OPCML: variants seen among roughly 807,000 people sequenced by gnomAD.
OPCML encodes the protein opioid-binding protein/cell adhesion molecule.
Under a neutral mutation model 37.8 loss-of-function variants are expected in OPCML, and 13 were observed. The ratio of observed to expected loss-of-function variants is 0.34; its 90% CI spans 0.22 to 0.55. The LOEUF (loss-of-function observed/expected upper bound fraction) is 0.55. Ranked by LOEUF, OPCML falls within the 20% of genes least tolerant of loss-of-function variation. The probability of loss-of-function intolerance (pLI) is 0.91; values close to 1 mark genes in which losing one functional copy is unlikely to be tolerated. For missense variants in OPCML, 341 were observed against 435.6 expected (o/e 0.78, Z 1.93); for synonymous variants, 176 against 168.8 (o/e 1.04, Z -0.33).
At chr11:132,639,917 C>T (rs1245272630) in intron 3 of OPCML, among the ~76,000 whole-genome samples, 1 of 152,204 alleles carries the variant, frequency 6.6e-6, no homozygotes, top group African/African-American at 2.4e-5. Context: ...CATTTACTCA[C>T]TAGAGGCAGA....
intron 2 of OPCML, among the ~76,000 whole-genome samples, chr11:132,748,699 G>A (rs2136061937): frequency 6.6e-6 from 1 of 152,218 alleles, no homozygotes; most frequent in South Asian, 2.1e-4. Context: ...AGACGGAAAG[G>A]CATTGGAGGA....
chr11:132,716,412 GTCTATCTATCTA>G (rs61519269), intron 2 of OPCML, among the ~76,000 whole-genome samples: 3,316 of 103,994 alleles, frequency 0.032, 47 homozygotes, highest in African/African-American at 0.058. Flanking sequence ...CTATCTGTCT[GTCTATCTATCTA>G]TCTATCTATC....
At chr11:132,602,042 G>A (rs1027558296) in intron 3 of OPCML, among the ~76,000 whole-genome samples, 5 of 152,070 alleles carry the variant, frequency 3.3e-5, no homozygotes, top group African/African-American at 7.2e-5. Flanking sequence ...ACTCACAACC[G>A]TTATGAGAGA....
chr11:132,464,951 G>A (rs2096115021), intron 4 of OPCML, among the ~76,000 whole-genome samples: 1 of 152,094 alleles, frequency 6.6e-6, no homozygotes, highest in African/African-American at 2.4e-5. Flanking sequence ...CAGTTTCTGT[G>A]TAGTTATGCA....
In OPCML at chr11:132,885,883, C is replaced by T. The variant is rs142819642; in HGVS notation, c.146+57043G>A. On this transcript the variant is annotated intron_variant, in intron 2 of 7. Coordinates refer to ENST00000524381, the MANE Select transcript of OPCML (RefSeq NM_001012393.5). ...CCCCCTATCCAGTTAACCACTTCATCGTTTCTCCTGTATCCTTTCAGAAAT... is the reference window on the plus strand; with the variant it reads ...CCCCCTATCCAGTTAACCACTTCATTGTTTCTCCTGTATCCTTTCAGAAAT... Among the ~76,000 whole-genome samples, 792 of 152,290 alleles carry T rather than the reference C, an allele frequency of 5.2e-3. 3 individuals carry two copies. Among genetic ancestry groups the T allele is most frequent in the Admixed American group, 9.3e-3 (143 of 15,300 alleles).
intron 2 of OPCML, among the ~76,000 whole-genome samples, chr11:132,676,044 TA>T (rs1942688247): frequency 6.6e-6 from 1 of 152,132 alleles, no homozygotes. Context: ...TAAAGCTTAC[TA>T]AAAAGCTACA....
At chr11:132,549,607 C>T (rs915581021) in intron 3 of OPCML, among the ~76,000 whole-genome samples, 24 of 152,200 alleles carry the variant, frequency 1.6e-4, no homozygotes, top group Non-Finnish European at 3.5e-4. Flanking sequence ...AAATCATTTT[C>T]TAACAAAGAG....
intron 2 of OPCML, among the ~76,000 whole-genome samples, chr11:132,863,039 G>A (rs1011418007): frequency 3.9e-5 from 6 of 152,180 alleles, no homozygotes; most frequent in Admixed American, 3.3e-4. Context: ...CTGTATGCCT[G>A]TCTATTGTTA....
intron 1 of OPCML, chr11:133,007,388 G>A: frequency 1.0e-6 from 1 of 985,396 alleles, no homozygotes; most frequent in Non-Finnish European, 1.2e-6. Flanking sequence ...CAGATACTTG[G>A]TGCTTATCGC....
chr11:132,802,696 T>A (rs1453963077), intron 2 of OPCML, among the ~76,000 whole-genome samples: 1 of 152,062 alleles, frequency 6.6e-6, no homozygotes, highest in Non-Finnish European at 1.5e-5. Context: ...CAGTGAAGGG[T>A]CTATGTTCCT....
intron 2 of OPCML, among the ~76,000 whole-genome samples, chr11:132,846,141 C>T (rs1440717614): frequency 1.3e-5 from 2 of 152,204 alleles, no homozygotes; most frequent in Admixed American, 6.5e-5. Context: ...TTTATAGCTG[C>T]CGTTGATCAG....
chr11:133,260,722 G>A (rs925950861), intron 1 of OPCML, among the ~76,000 whole-genome samples: 14 of 152,156 alleles, frequency 9.2e-5, no homozygotes, highest in African/African-American at 3.1e-4. Flanking sequence ...ATCAGGAGTC[G>A]AGAATGACAG....
At chr11:132,708,948 T>A (rs922288176) in intron 2 of OPCML, among the ~76,000 whole-genome samples, 10 of 152,220 alleles carry the variant, frequency 6.6e-5, no homozygotes, top group African/African-American at 2.4e-4. Flanking sequence ...CATCCCTCAG[T>A]CCCTTGTCTC....
intron 1 of OPCML, among the ~76,000 whole-genome samples, chr11:133,395,097 T>C (rs1167697947): frequency 6.6e-6 from 1 of 152,220 alleles, no homozygotes; most frequent in Non-Finnish European, 1.5e-5. Flanking sequence ...ATCATTGTAG[T>C]TTTGATTTGC....
intron 1 of OPCML, among the ~76,000 whole-genome samples, chr11:133,328,509 A>C (rs1349701176): frequency 6.6e-6 from 1 of 152,224 alleles, no homozygotes; most frequent in Non-Finnish European, 1.5e-5. Flanking sequence ...AATTCCTGGC[A>C]TATAGTAATG....
intron 2 of OPCML, among the ~76,000 whole-genome samples, chr11:132,685,178 C>T (rs1943112945): frequency 6.6e-6 from 1 of 152,140 alleles, no homozygotes; most frequent in African/African-American, 2.4e-5. Flanking sequence ...CATCTCCATG[C>T]CAATAGTCTA....
At chr11:132,635,163 T>A (rs1940407997) in intron 3 of OPCML, among the ~76,000 whole-genome samples, 1 of 152,076 alleles carries the variant, frequency 6.6e-6, no homozygotes, top group East Asian at 1.9e-4. Context: ...TATTTAGAGG[T>A]CTTTCTCCCC....
intron 1 of OPCML, among the ~76,000 whole-genome samples, chr11:133,119,731 G>A (rs1476418106): frequency 1.3e-5 from 2 of 152,184 alleles, no homozygotes; most frequent in Admixed American, 6.5e-5. Context: ...GAACTGAATC[G>A]TGAGTAATGA....
intron 1 of OPCML, among the ~76,000 whole-genome samples, chr11:133,090,242 G>C (rs1020416759): frequency 6.6e-6 from 1 of 152,022 alleles, no homozygotes; most frequent in Non-Finnish European, 1.5e-5. Flanking sequence ...ATCTCTGCTT[G>C]TCTCTGTTAT....
Sources: gnomAD v4.1 joint callset for allele counts (sites outside exome capture counted in the v4.1 genomes callset) on GRCh38, gnomAD v4.1.1 for gene constraint, MANE v1.5 for transcripts, NCBI Gene and HGNC (gene_info 2026-07-23, HGNC 2026-07-21) for gene names.